The following ARSG variants were observed in gnomAD, a reference collection of about 807,000 sequenced individuals.
ARSG encodes the protein ASG.
In ARSG, 37 loss-of-function variants were observed where a neutral mutation model predicts 50.5. The ratio of observed to expected loss-of-function variants is 0.73; its 90% CI spans 0.56 to 0.96. ARSG has a LOEUF of 0.96. Among genes scored for constraint, ARSG ranks in the 50% least tolerant of loss-of-function variants. The probability of loss-of-function intolerance (pLI) is 0.00; values close to 1 mark genes in which losing one functional copy is unlikely to be tolerated. For missense variants in ARSG, 629 were observed against 675.3 expected (o/e 0.93, Z 0.76); for synonymous variants, 225 against 254.6 (o/e 0.88, Z 1.11).
intron 8 of ARSG, among the ~76,000 whole-genome samples, chr17:68,376,640 C>T (rs2080165243): frequency 6.6e-6 from 1 of 151,918 alleles, no homozygotes; most frequent in African/African-American, 2.4e-5. Context: ...ACCCCATATC[C>T]TTTAAACAGT....
chr17:68,352,419 C>T (rs537024275), intron 5 of ARSG, among the ~76,000 whole-genome samples: 151 of 151,142 alleles, frequency 1.0e-3, no homozygotes, highest in Non-Finnish European at 2.0e-3. Flanking sequence ...TCTTTGTAGT[C>T]CTATCAACGG....
chr17:68,416,956 A>G (rs2082408456), intron 11 of ARSG, among the ~76,000 whole-genome samples: 1 of 151,998 alleles, frequency 6.6e-6, no homozygotes, highest in Non-Finnish European at 1.5e-5. Context: ...TAACCTCCTG[A>G]ATTCTTTTTC....
chr17:68,293,544 T>G (rs1255381744), intron 1 of ARSG, among the ~76,000 whole-genome samples: 1 of 152,068 alleles, frequency 6.6e-6, no homozygotes, highest in Admixed American at 6.5e-5. Flanking sequence ...TGTGTTACTA[T>G]TCTTATATTT....
rs374496717 is a variant in ARSG, at chr17:68,370,391, A to G, written c.902-53A>G. On this transcript the variant is annotated intron_variant, in intron 7 of 11. Transcript: ENST00000621439. ...GATATAGGGCCAGAGTGGGAGGGTC[A>G]GCGAAAGTGTCCAACCAGCCTGGTG... 56 of 1,553,446 alleles carry G rather than the reference A, an allele frequency of 3.6e-5. No individual in the cohort carries two copies. The African/African-American group carries it at 7.2e-4, about 20-fold the overall frequency.
intron 8 of ARSG, among the ~76,000 whole-genome samples, chr17:68,384,614 C>G (rs1426125145): frequency 1.3e-5 from 2 of 152,188 alleles, no homozygotes; most frequent in African/African-American, 4.8e-5. Flanking sequence ...CCTTCTTTCT[C>G]TCTTCTTTAA....
At chr17:68,293,734 A>T (rs1021241850) in intron 1 of ARSG, among the ~76,000 whole-genome samples, 1 of 152,190 alleles carries the variant, frequency 6.6e-6, no homozygotes, top group African/African-American at 2.4e-5. Flanking sequence ...AGGTTACACC[A>T]TGTTTATAGA....
At chr17:68,352,142 G>GGAGAGAGA (rs200912330) in intron 5 of ARSG, among the ~76,000 whole-genome samples, 1 of 84,062 alleles carries the variant, frequency 1.2e-5, no homozygotes, top group African/African-American at 4.6e-5. Context: ...GAGAGACAGA[G>GGAGAGAGA]GAGAGAGAGA....
At chr17:68,278,060 G>T in intron 1 of ARSG, 1 of 1,529,924 alleles carries the variant, frequency 6.5e-7, no homozygotes, top group Non-Finnish European at 9.0e-7. Flanking sequence ...CTATACTTAC[G>T]TCATGGTTAG....
At chr17:68,260,422 G>T (rs1555745001) in intron 1 of ARSG, among the ~76,000 whole-genome samples, 1 of 152,178 alleles carries the variant, frequency 6.6e-6, no homozygotes, top group Admixed American at 6.5e-5. Context: ...AGAGTCATCT[G>T]GGGTTGCTCA....
intron 2 of ARSG, among the ~76,000 whole-genome samples, chr17:68,329,231 G>A (rs2077624763): frequency 1.3e-5 from 2 of 152,206 alleles, no homozygotes; most frequent in Admixed American, 6.5e-5. Context: ...AACCAGCTGG[G>A]GGTGTTCTAG....
chr17:68,273,779 G>C, intron 1 of ARSG: 2 of 979,000 alleles, frequency 2.0e-6, no homozygotes, highest in Non-Finnish European at 3.0e-6. Context: ...ATATAGCTCA[G>C]TTCAAAACTA....
At chr17:68,259,411 C>G (rs1317715199) in exon 1 of ARSG, 7 of 152,174 alleles carry the variant, frequency 4.6e-5, no homozygotes, top group Non-Finnish European at 8.8e-5. Context: ...GTCAGGACCG[C>G]GACGGCAGCA....
downstream of ARSG, chr17:68,421,680 C>G: frequency 6.4e-7 from 1 of 1,571,800 alleles, no homozygotes; most frequent in East Asian, 2.2e-5. Flanking sequence ...CCCCTTTCTG[C>G]TCACACAATT....
chr17:68,303,669 T>C (rs1360696448), intron 1 of ARSG, among the ~76,000 whole-genome samples: 1 of 152,086 alleles, frequency 6.6e-6, no homozygotes, highest in African/African-American at 2.4e-5. Context: ...AGGCTGGTCT[T>C]GAACTCCTGA....
At position 68,405,130 on chromosome 17, in the gene ARSG, C is replaced by CTTTTTTTTTTTTT. The variant is rs58178643; in HGVS notation, c.1303+3689_1303+3701dup. 2.2e-5 allele frequency among the ~76,000 whole-genome samples: 2 copies of CTTTTTTTTTTTTT among 92,990 alleles called. 1 individual carries two copies. The highest frequency in any genetic ancestry group is 8.4e-5 in the African/African-American group (2 of 23,918). 61.0% of individuals were successfully genotyped at this position (92,990 alleles called of 152,430 possible). ...GGAGTGTGAGTCCTACAGCTTTGGG[C>CTTTTTTTTTTTTT]TTTTTTTTTTTTTTTTTTTTTAGAC... On this transcript the variant is annotated intron_variant, in intron 11 of 11. Transcript: ENST00000621439.
chr17:68,420,134 C>T, intron 11 of ARSG, 55 bp from the exon 12 acceptor site: 1 of 1,590,708 alleles, frequency 6.3e-7, no homozygotes, highest in Non-Finnish European at 8.6e-7. Context: ...CTCGTCTTTA[C>T]AACACAGGGC....
At chr17:68,433,964 G>A in the ARSG span, among the ~76,000 whole-genome samples, 1 of 151,828 alleles carries the variant, frequency 6.6e-6, no homozygotes, top group Non-Finnish European at 1.5e-5. Context: ...TGTATTTTTA[G>A]TAGAGACGGT....
At chr17:68,431,746 G>A in the ARSG span, among the ~76,000 whole-genome samples, 1,596 of 15,666 alleles carry the variant, frequency 0.1, 2 homozygotes, top group South Asian at 0.15. Context: ...CGTAACCGCC[G>A]GGGACATATG....
chr17:68,390,926 C>T (rs1176818147), intron 9 of ARSG, among the ~76,000 whole-genome samples: 1 of 72,348 alleles, frequency 1.4e-5, no homozygotes, highest in Non-Finnish European at 2.6e-5. Flanking sequence ...TGTGCCCGGT[C>T]CTTTTTTTTT....
Sources: gnomAD v4.1 joint callset for allele counts (sites outside exome capture counted in the v4.1 genomes callset) on GRCh38, gnomAD v4.1.1 for gene constraint, MANE v1.5 for transcripts, NCBI Gene and HGNC (gene_info 2026-07-23, HGNC 2026-07-21) for gene names.